Variants in FBXO4 observed in about 807,000 individuals in gnomAD.
The protein encoded by FBXO4 is F-box protein 4.
FBXO4 carries 36 observed loss-of-function variants against 43.7 expected under a neutral mutation model. The observed-to-expected ratio is 0.82, with a 90% CI of 0.63 to 1.09. The LOEUF is 1.09. Ranked by LOEUF, FBXO4 falls within the 50% of genes least tolerant of loss-of-function variation. The pLI is 0.00. For synonymous variants in FBXO4, 180 were observed against 165.6 expected (o/e 1.09, Z -0.67); for missense variants, 435 against 474.1 (o/e 0.92, Z 0.77).
rs2112563024 is a variant in FBXO4 at position 41,925,299 on chromosome 5, G to A, written c.-11G>A. 1 of 1,328,074 alleles carries A rather than the reference G, an allele frequency of 7.5e-7. No individual in the cohort carries two copies. Among genetic ancestry groups the A allele is most frequent in the East Asian group, 3.1e-5 (1 of 31,926 alleles). 82.3% of individuals were successfully genotyped at this position (1,328,074 alleles called of 1,614,324 possible). On this transcript the variant is annotated 5_prime_UTR_variant, in exon 1 of 7. Transcript: ENST00000281623. ...GGCTCTAAGACGCGTCACCCACGCTGCGGGCAAGCCATGGCGGGAAGCGAG... is the reference window on the plus strand; with the variant it reads ...GGCTCTAAGACGCGTCACCCACGCTACGGGCAAGCCATGGCGGGAAGCGAG...
At chr5:42,031,936 G>A in the FBXO4 span, among the ~76,000 whole-genome samples, 1 of 152,034 alleles carries the variant, frequency 6.6e-6, no homozygotes, top group African/African-American at 2.4e-5. Flanking sequence ...GACTTGTAGA[G>A]GTACCACCTT....
chr5:41,990,854 A>T, the FBXO4 span, among the ~76,000 whole-genome samples: 2 of 152,204 alleles, frequency 1.3e-5, no homozygotes, highest in Non-Finnish European at 2.9e-5. Context: ...TTATGGAAGA[A>T]GTTCTTGCTC....
At chr5:41,975,741 C>G in the FBXO4 span, among the ~76,000 whole-genome samples, 1 of 152,190 alleles carries the variant, frequency 6.6e-6, no homozygotes, top group Non-Finnish European at 1.5e-5. Flanking sequence ...AGTAGTGTTA[C>G]CTACATTCAC....
At chr5:42,038,874 C>G in the FBXO4 span, among the ~76,000 whole-genome samples, 2 of 152,014 alleles carry the variant, frequency 1.3e-5, no homozygotes. Context: ...ATTTGTTTTT[C>G]TGTACCTGGA....
the FBXO4 span, among the ~76,000 whole-genome samples, chr5:41,973,523 T>TA: frequency 3.8e-4 from 58 of 151,894 alleles, no homozygotes; most frequent in Admixed American, 1.3e-3. Context: ...CAAAAAATAA[T>TA]AAAAAAAACT....
chr5:41,957,603 T>C, the FBXO4 span, among the ~76,000 whole-genome samples: 1 of 151,784 alleles, frequency 6.6e-6, no homozygotes, highest in East Asian at 1.9e-4. Flanking sequence ...CTGGTTCTTT[T>C]TCATAGGTTT....
the FBXO4 span, among the ~76,000 whole-genome samples, chr5:41,958,131 A>ATTT: frequency 1.3e-4 from 17 of 128,818 alleles, no homozygotes; most frequent in East Asian, 2.1e-4. Context: ...CTGTTAACAA[A>ATTT]TTTTTTTTTT....
chr5:42,038,330 C>T, the FBXO4 span, among the ~76,000 whole-genome samples: 1 of 152,040 alleles, frequency 6.6e-6, no homozygotes, highest in Non-Finnish European at 1.5e-5. Context: ...ATAGTCATTG[C>T]TTAATCTTGT....
At chr5:42,013,351 C>T in the FBXO4 span, among the ~76,000 whole-genome samples, 4 of 152,154 alleles carry the variant, frequency 2.6e-5, no homozygotes, top group Non-Finnish European at 5.9e-5. Flanking sequence ...ATGCCACCTT[C>T]CACTCTAATT....
the FBXO4 span, among the ~76,000 whole-genome samples, chr5:42,020,794 T>C: frequency 1.3e-5 from 2 of 152,296 alleles, no homozygotes; most frequent in Non-Finnish European, 2.9e-5. Flanking sequence ...AATGAAGCCT[T>C]TATCTTTCCA....
chr5:41,957,408 ATAT>A, the FBXO4 span, among the ~76,000 whole-genome samples: 1 of 148,278 alleles, frequency 6.7e-6, no homozygotes, highest in Non-Finnish European at 1.5e-5. Context: ...AATTATGATT[ATAT>A]TATACTTATA....
At chr5:41,993,099 T>A in the FBXO4 span, among the ~76,000 whole-genome samples, 4 of 152,220 alleles carry the variant, frequency 2.6e-5, no homozygotes, top group Non-Finnish European at 5.9e-5. Context: ...TTAGTTTTCG[T>A]GACCACAGTA....
chr5:41,933,246 G>A (rs1751746862), intron 3 of FBXO4, among the ~76,000 whole-genome samples: 1 of 151,994 alleles, frequency 6.6e-6, no homozygotes, highest in Admixed American at 6.6e-5. Context: ...TTGAGACAAG[G>A]TCTCTGTTAC....
At chr5:42,001,714 C>T in the FBXO4 span, among the ~76,000 whole-genome samples, 8 of 152,128 alleles carry the variant, frequency 5.3e-5, no homozygotes, top group South Asian at 2.1e-4. Context: ...ACTTTTGAGA[C>T]GGAGTCTCAC....
the FBXO4 span, among the ~76,000 whole-genome samples, chr5:41,992,759 G>C: frequency 6.6e-6 from 1 of 152,162 alleles, no homozygotes; most frequent in Non-Finnish European, 1.5e-5. Context: ...TGGAAATCTT[G>C]AAGAGCCTTC....
the FBXO4 span, among the ~76,000 whole-genome samples, chr5:42,015,385 TTGGCCCC>T: frequency 6.6e-6 from 1 of 152,102 alleles, no homozygotes; most frequent in African/African-American, 2.4e-5. Context: ...CAGGGAGGAG[TTGGCCCC>T]TGGCACATAC....
chr5:41,928,003 A>G (rs1212846647), intron 2 of FBXO4, among the ~76,000 whole-genome samples: 4 of 152,228 alleles, frequency 2.6e-5, no homozygotes, highest in Non-Finnish European at 5.9e-5. Context: ...TTATTCTTTA[A>G]AAATTGTTGT....
At chr5:41,974,616 C>CT in the FBXO4 span, among the ~76,000 whole-genome samples, 31 of 151,608 alleles carry the variant, frequency 2.0e-4, no homozygotes, top group South Asian at 4.8e-3. Context: ...TTGATCCATT[C>CT]TTTTTTTTTC....
chr5:42,000,358 A>G, the FBXO4 span, among the ~76,000 whole-genome samples: 1 of 152,206 alleles, frequency 6.6e-6, no homozygotes, highest in African/African-American at 2.4e-5. Flanking sequence ...CTGCACATGT[A>G]CCCCTTGTAT....
Sources: gnomAD v4.1 joint callset for allele counts (sites outside exome capture counted in the v4.1 genomes callset) on GRCh38, gnomAD v4.1.1 for gene constraint, MANE v1.5 for transcripts, NCBI Gene and HGNC (gene_info 2026-07-23, HGNC 2026-07-21) for gene names.